Variants in LRRC4C observed in about 807,000 individuals in gnomAD.
LRRC4C encodes the protein leucine rich repeat containing 4C, also known as leucine-rich repeat-containing protein 4C.
A neutral mutation model predicts 33.6 loss-of-function variants in LRRC4C; 5 were observed. That is an observed-to-expected ratio of 0.15 (90% confidence interval 0.08 to 0.31). LRRC4C has a LOEUF of 0.31. Among genes scored for constraint, LRRC4C ranks in the 10% least tolerant of loss-of-function variants. The pLI, the probability that LRRC4C is intolerant of heterozygous loss-of-function variation, is 1.00. For missense variants in LRRC4C, 560 were observed against 796.7 expected (o/e 0.70, Z 3.58); for synonymous variants, 329 against 302.0 (o/e 1.09, Z -0.93).
intron 1 of LRRC4C, among the ~76,000 whole-genome samples, chr11:41,392,749 T>C (rs942238780): frequency 1.3e-5 from 2 of 151,722 alleles, no homozygotes; most frequent in South Asian, 4.1e-4. Flanking sequence ...TGATAATGAG[T>C]GCAGAAATTG....
At chr11:40,875,732 T>C (rs1954852911) in intron 2 of LRRC4C, among the ~76,000 whole-genome samples, 1 of 152,178 alleles carries the variant, frequency 6.6e-6, no homozygotes, top group African/African-American at 2.4e-5. Flanking sequence ...ACCGGTTTCA[T>C]GGAAGACAAT....
chr11:40,319,379 C>T (rs1171167394), intron 4 of LRRC4C, among the ~76,000 whole-genome samples: 1 of 152,174 alleles, frequency 6.6e-6, no homozygotes, highest in Non-Finnish European at 1.5e-5. Context: ...GGAGAGCCTG[C>T]AGTTGCCACG....
chr11:40,492,150 T>C (rs1954192812), intron 3 of LRRC4C, among the ~76,000 whole-genome samples: 1 of 152,216 alleles, frequency 6.6e-6, no homozygotes, highest in East Asian at 1.9e-4. Flanking sequence ...AAGTGTTTAC[T>C]AAATATGCAA....
intron 1 of LRRC4C, among the ~76,000 whole-genome samples, chr11:41,198,613 T>C (rs996695119): frequency 4.5e-4 from 42 of 94,354 alleles, no homozygotes; most frequent in African/African-American, 1.1e-3. Context: ...ACAAGAAATA[T>C]AGAGGGGAGA....
chr11:40,646,732 G>C (rs943869010), intron 3 of LRRC4C, among the ~76,000 whole-genome samples: 5 of 152,044 alleles, frequency 3.3e-5, no homozygotes, highest in Non-Finnish European at 5.9e-5. Flanking sequence ...TCAGCCTCCC[G>C]AGTAGCTGGG....
chr11:41,459,300 C>A (rs1010942263), intron 1 of LRRC4C, 131 bp downstream of exon 1: 2 of 152,108 alleles, frequency 1.3e-5, no homozygotes, highest in African/African-American at 4.8e-5. Flanking sequence ...ATGCCACACA[C>A]TGAGTTCTTC....
At chr11:40,298,149 A>C (rs1944601940) in intron 4 of LRRC4C, among the ~76,000 whole-genome samples, 2 of 152,198 alleles carry the variant, frequency 1.3e-5, no homozygotes, top group African/African-American at 4.8e-5. Flanking sequence ...AAAAGATGAG[A>C]TACTTGTCAT....
At chr11:41,095,898 C>T (rs767163925) in intron 1 of LRRC4C, among the ~76,000 whole-genome samples, 6 of 152,154 alleles carry the variant, frequency 3.9e-5, no homozygotes, top group Admixed American at 1.3e-4. Flanking sequence ...TTAATTTTTG[C>T]GCCTAAAACC....
At chr11:40,573,899 C>T in intron 3 of LRRC4C, among the ~76,000 whole-genome samples, 1 of 152,006 alleles carries the variant, frequency 6.6e-6, no homozygotes, top group East Asian at 1.9e-4. Flanking sequence ...GGATGTAAAC[C>T]ATTCAGCAAA....
At chr11:41,345,257 AT>A (rs1289273520) in intron 1 of LRRC4C, among the ~76,000 whole-genome samples, 1 of 152,174 alleles carries the variant, frequency 6.6e-6, no homozygotes, top group Non-Finnish European at 1.5e-5. Context: ...CTTGAAGACA[AT>A]TTATGACACA....
intron 1 of LRRC4C, among the ~76,000 whole-genome samples, chr11:41,126,765 AT>A (rs1285433945): frequency 2.6e-5 from 4 of 151,962 alleles, no homozygotes; most frequent in Non-Finnish European, 5.9e-5. Flanking sequence ...AGATGAAGGA[AT>A]ATGTGGGGAG....
chr11:40,932,145 G>C (rs1376380719), intron 2 of LRRC4C, among the ~76,000 whole-genome samples: 2 of 152,020 alleles, frequency 1.3e-5, no homozygotes, highest in Non-Finnish European at 2.9e-5. Context: ...AGAGAGGAGG[G>C]AGTTATTACT....
At chr11:41,023,914 G>A (rs893875751) in intron 1 of LRRC4C, among the ~76,000 whole-genome samples, 2 of 151,738 alleles carry the variant, frequency 1.3e-5, no homozygotes, top group African/African-American at 2.4e-5. Context: ...CAGATCTGCT[G>A]TTCGGGACAA....
At chr11:40,848,354 T>C (rs1412114869) in intron 2 of LRRC4C, among the ~76,000 whole-genome samples, 1 of 152,184 alleles carries the variant, frequency 6.6e-6, no homozygotes, top group Non-Finnish European at 1.5e-5. Flanking sequence ...TGTGTCTTTA[T>C]TTTCATTGGT....
At chr11:41,443,049 GTTATTTAT>G (rs1245254174) in intron 1 of LRRC4C, among the ~76,000 whole-genome samples, 2 of 123,218 alleles carry the variant, frequency 1.6e-5, no homozygotes, top group Admixed American at 1.6e-4. Flanking sequence ...ACCCCTTCTA[GTTATTTAT>G]TTATTTATTT....
At chr11:40,923,341 C>T (rs754932572) in intron 2 of LRRC4C, among the ~76,000 whole-genome samples, 19 of 152,008 alleles carry the variant, frequency 1.2e-4, no homozygotes, top group Non-Finnish European at 1.6e-4. Flanking sequence ...TATGATTAAC[C>T]CAATATTTAT....
At chr11:40,886,513 C>T (rs1955464252) in intron 2 of LRRC4C, among the ~76,000 whole-genome samples, 1 of 151,340 alleles carries the variant, frequency 6.6e-6, no homozygotes, top group Non-Finnish European at 1.5e-5. Context: ...AAAGGTAATT[C>T]TCAAAGCAAT....
At chr11:40,802,064 C>G (rs140521723) in intron 2 of LRRC4C, among the ~76,000 whole-genome samples, 3 of 152,136 alleles carry the variant, frequency 2.0e-5, no homozygotes, top group Non-Finnish European at 4.4e-5. Flanking sequence ...ATAAAAAATA[C>G]CTGTACCTGA....
At chr11:40,369,577 G>T (rs1486822014) in intron 3 of LRRC4C, among the ~76,000 whole-genome samples, 2 of 152,090 alleles carry the variant, frequency 1.3e-5, no homozygotes, top group Non-Finnish European at 2.9e-5. Context: ...ACCTCAGGTG[G>T]TCTGCCCGCC....
Sources: allele counts gnomAD v4.1 joint callset (sites outside exome capture counted in the v4.1 genomes callset), GRCh38; gene constraint gnomAD v4.1.1; transcripts MANE v1.5; gene names NCBI Gene and HGNC (gene_info 2026-07-23, HGNC 2026-07-21).